PRH1: variants seen among roughly 807,000 people sequenced by gnomAD.
PRH1 encodes the protein proline rich protein HaeIII subfamily 1.
A neutral mutation model predicts 7.9 loss-of-function variants in PRH1; 7 were observed. That is an observed-to-expected ratio of 0.89 (90% confidence interval 0.50 to 1.67). The LOEUF (loss-of-function observed/expected upper bound fraction) is 1.67, where lower values mean the gene tolerates loss of function less well. Ranked by LOEUF, PRH1 falls within the 40% of genes most tolerant of loss-of-function variation. The pLI is 0.00. For missense variants in PRH1, 109 were observed against 223.6 expected (o/e 0.49, Z 3.27); for synonymous variants, 45 against 80.8 (o/e 0.56, Z 2.38).
chr12:11,099,999 A>G (rs1003521787), intron 1 of PRH1, among the ~76,000 whole-genome samples: 2 of 152,244 alleles, frequency 1.3e-5, no homozygotes, highest in African/African-American at 4.8e-5. Context: ...TGATGCAACT[A>G]AATAAGAAAG....
At chr12:10,921,798 C>T (rs1298300652) in intron 2 of PRH1, among the ~76,000 whole-genome samples, 5 of 152,154 alleles carry the variant, frequency 3.3e-5, no homozygotes, top group Admixed American at 6.5e-5. Flanking sequence ...CAAGGTCTCA[C>T]GCTGTCACCC....
At chr12:11,155,296 G>C (rs1947218656) in intron 1 of PRH1, among the ~76,000 whole-genome samples, 1 of 152,060 alleles carries the variant, frequency 6.6e-6, no homozygotes, top group South Asian at 2.1e-4. Context: ...AAAGAGAGGT[G>C]GAAAACTTTC....
chr12:10,885,138 C>T (rs1262606989), upstream of PRH1, among the ~76,000 whole-genome samples: 1 of 152,142 alleles, frequency 6.6e-6, no homozygotes, highest in African/African-American at 2.4e-5. Context: ...TAATTGTCAT[C>T]ACTGATAATT....
At chr12:10,949,681 T>C (rs941320478) in intron 2 of PRH1, among the ~76,000 whole-genome samples, 2 of 152,138 alleles carry the variant, frequency 1.3e-5, no homozygotes, top group East Asian at 3.8e-4. Flanking sequence ...TTTACTATTG[T>C]CGAACATAAC....
At chr12:10,929,649 G>T (rs1224021669) in intron 2 of PRH1, among the ~76,000 whole-genome samples, 1 of 152,196 alleles carries the variant, frequency 6.6e-6, no homozygotes, top group African/African-American at 2.4e-5. Flanking sequence ...GTGCAGCTGT[G>T]AAGATCCTAT....
chr12:11,054,543 T>A (rs1047390990), intron 1 of PRH1, among the ~76,000 whole-genome samples: 4 of 150,074 alleles, frequency 2.7e-5, no homozygotes, highest in African/African-American at 7.3e-5. Flanking sequence ...AAAAACTTTG[T>A]ACTATCAAAA....
chr12:10,912,130 G>C (rs1449348573), intron 2 of PRH1, among the ~76,000 whole-genome samples: 1 of 152,028 alleles, frequency 6.6e-6, no homozygotes, highest in East Asian at 1.9e-4. Flanking sequence ...TTATTCAATT[G>C]CTGTATAGTA....
intron 1 of PRH1, chr12:11,062,092 G>C (rs765928317): frequency 6.2e-7 from 1 of 1,613,612 alleles, no homozygotes; most frequent in Non-Finnish European, 8.5e-7. Context: ...CAACTCAGTT[G>C]CATACCAATT....
intron 1 of PRH1, among the ~76,000 whole-genome samples, chr12:11,019,034 TG>T (rs1941449510): frequency 6.6e-6 from 1 of 150,836 alleles, no homozygotes; most frequent in African/African-American, 2.4e-5. Flanking sequence ...CTTAGAAAAA[TG>T]GGGGTATTGG....
At chr12:11,024,144 T>A (rs541626603) in intron 1 of PRH1, among the ~76,000 whole-genome samples, 2 of 152,374 alleles carry the variant, frequency 1.3e-5, no homozygotes, top group African/African-American at 4.8e-5. Context: ...GAGTTACACA[T>A]GAATGTATAC....
intron 2 of PRH1, among the ~76,000 whole-genome samples, chr12:10,921,236 T>C (rs1015485755): frequency 6.6e-6 from 1 of 152,086 alleles, no homozygotes; most frequent in Non-Finnish European, 1.5e-5. Context: ...CTGAAGTAGT[T>C]TGGAGAAGGT....
chr12:11,133,906 G>A lies in PRH1; in HGVS notation n.40-12726C>T, dbSNP rs568940139. The stretch of plus-strand genomic sequence containing the variant: ...TTATGCGAAGAAAAATAAGGTTGGA[G>A]AAATTGGCAATCCTGAGCAAATAAA... On this transcript the variant is annotated intron_variant and non_coding_transcript_variant, in intron 1 of 1. Transcript: ENST00000541175. 4 of 1,614,140 alleles carry A rather than the reference G, an allele frequency of 2.5e-6. No homozygotes were observed. The East Asian group carries it at 8.9e-5, about 36-fold the overall frequency.
At chr12:11,123,607 C>T (rs1281606016) in intron 1 of PRH1, among the ~76,000 whole-genome samples, 1 of 152,022 alleles carries the variant, frequency 6.6e-6, no homozygotes, top group East Asian at 1.9e-4. Context: ...TTCAGTACAA[C>T]TTTGTATTTT....
At chr12:10,976,758 C>T in intron 1 of PRH1, among the ~76,000 whole-genome samples, 1 of 151,928 alleles carries the variant, frequency 6.6e-6, no homozygotes, top group East Asian at 1.9e-4. Context: ...CACTGAAATG[C>T]AAACAACCTT....
chr12:11,037,306 G>GA (rs1298199633), intron 1 of PRH1, among the ~76,000 whole-genome samples: 3 of 152,186 alleles, frequency 2.0e-5, no homozygotes, highest in African/African-American at 7.2e-5. Context: ...TACTATAGCA[G>GA]TCAAAGTTGA....
rs141797292 is a variant in PRH1, at chr12:11,096,913, C to T, written n.124-49725G>A. 6.9e-3 allele frequency among the ~76,000 whole-genome samples: 780 copies of T among 113,140 alleles called. 216 individuals carry two copies. The highest frequency in any genetic ancestry group is 0.039 in the South Asian group (162 of 4,172). 74.2% of individuals were successfully genotyped at this position (113,140 alleles called of 152,430 possible). A position where few individuals can be genotyped will look rare whatever the true frequency, so the allele number is the denominator to read the frequency against. On this transcript the variant is annotated intron_variant and non_coding_transcript_variant, in intron 1 of 4. Coordinates refer to the PRH1 transcript ENST00000541977. ...CCGGGGTTCACGCCATTCTCCTGCC[C>T]CAGCCTCCCAAGTAGCTGGGACTAC...
intron 1 of PRH1, among the ~76,000 whole-genome samples, chr12:11,084,900 C>T (rs1486717852): frequency 1.8e-5 from 2 of 113,076 alleles, no homozygotes; most frequent in Non-Finnish European, 4.1e-5. Flanking sequence ...GCAAGCTCTG[C>T]CTCCCAGAAT....
chr12:11,079,911 T>C (rs1944442835), intron 1 of PRH1, among the ~76,000 whole-genome samples: 1 of 119,722 alleles, frequency 8.4e-6, no homozygotes, highest in African/African-American at 2.8e-5. Flanking sequence ...GGAATCTTTC[T>C]CCTGATTAAT....
intron 1 of PRH1, among the ~76,000 whole-genome samples, chr12:11,170,056 T>A (rs1184453374): frequency 2.0e-5 from 3 of 152,188 alleles, no homozygotes; most frequent in South Asian, 4.1e-4. Context: ...AGAACAAGAC[T>A]GTAACCTTAA....
Sources: allele counts gnomAD v4.1 joint callset (sites outside exome capture counted in the v4.1 genomes callset), GRCh38; gene constraint gnomAD v4.1.1; transcripts MANE v1.5; gene names NCBI Gene and HGNC (gene_info 2026-07-23, HGNC 2026-07-21).